The following FREM1 variants were observed in gnomAD, a reference collection of about 807,000 sequenced individuals.
FREM1 encodes FRAS1 related extracellular matrix 1, also known as FRAS1-related extracellular matrix protein 1.
In FREM1, 220 loss-of-function variants were observed where a neutral mutation model predicts 210.1. That is an observed-to-expected ratio of 1.05 (90% CI 0.94 to 1.17). The LOEUF is 1.17. FREM1 is among the 50% of genes most tolerant of loss of function. FREM1 has a pLI of 0.00. For synonymous variants in FREM1, 1,189 were observed against 980.2 expected, an observed-to-expected ratio of 1.21 and a Z score of -3.98; for missense variants, 3,454 against 2,675.5, an observed-to-expected ratio of 1.29 and a Z score of -6.42.
chr9:14,759,044 G>T (rs956381232), intron 28 of FREM1, among the ~76,000 whole-genome samples: 3 of 152,118 alleles, frequency 2.0e-5, no homozygotes, highest in African/African-American at 7.2e-5. Context: ...TCTTGGGACT[G>T]AAATTTGCTC....
At chr9:14,879,161 A>G (rs1301799713) in intron 1 of FREM1, among the ~76,000 whole-genome samples, 2 of 151,692 alleles carry the variant, frequency 1.3e-5, no homozygotes, top group African/African-American at 4.8e-5. Flanking sequence ...CCGTCTCAAA[A>G]AAAAAAAAAA....
At chr9:14,861,586 A>C (rs1830604125) in intron 3 of FREM1, among the ~76,000 whole-genome samples, 1 of 145,278 alleles carries the variant, frequency 6.9e-6, no homozygotes, top group African/African-American at 2.6e-5. Flanking sequence ...GGCTCACCGC[A>C]ACCTCTGCCT....
At chr9:14,868,464 A>G (rs1351261844) in intron 2 of FREM1, among the ~76,000 whole-genome samples, 1 of 152,232 alleles carries the variant, frequency 6.6e-6, no homozygotes, top group African/African-American at 2.4e-5. Flanking sequence ...GATTTCCTCT[A>G]TAAATGTTAT....
chr9:14,799,743 G>GT (rs1853159368), intron 20 of FREM1, among the ~76,000 whole-genome samples: 1 of 151,956 alleles, frequency 6.6e-6, no homozygotes, highest in African/African-American at 2.4e-5. Context: ...GTCCTAGAAT[G>GT]TATTTCTTTG....
At position 14,780,433 on chromosome 9, in the gene FREM1, G is replaced by GAAAAAAA. The variant is rs58017285; in HGVS notation, c.4442+3930_4442+3936dup. Among the ~76,000 whole-genome samples the GAAAAAAA allele has an allele frequency of 7.4e-4, 60 of 81,542 alleles. 4 individuals carry two copies. Among genetic ancestry groups the GAAAAAAA allele is most frequent in the African/African-American group, 2.0e-3 (48 of 23,518 alleles). The allele number at this position is 81,542 out of a possible 152,430, so 53.5% of individuals were successfully genotyped here. ...AATCATAAATAGCGCCAGCTCCTCA[G>GAAAAAAA]AAAAAAAAAAAAAAAAAGTCCAGCC... On this transcript the variant is annotated intron_variant, in intron 24 of 36. Transcript: ENST00000380880.
In FREM1 at chr9:14,737,568, T is replaced by C; in HGVS notation, c.6368A>G (p.His2123Arg). ...AGGTTCACCACCGATCCACTCCCAG[T>C]GGCCAGCATGCACTTGGTCGTTCAA... is the stretch of plus-strand genomic sequence containing the variant. The part of the protein sequence containing the change: ...IGLNDQVHAG[H>R]WEWIGGEPVA... The change falls in exon 37 of 37, where the codon CAC becomes CGC. Residue 2123 changes from histidine to arginine, a missense_variant. Physicochemically the swap from His to Arg is conservative, Grantham distance 29. Coordinates refer to ENST00000380880, the MANE Select transcript of FREM1 (RefSeq NM_001379081.2). The C allele has an allele frequency of 6.3e-7, 1 of 1,591,496 alleles. No homozygotes were observed. Among genetic ancestry groups the C allele is most frequent in the Non-Finnish European group, 8.6e-7 (1 of 1,169,150 alleles).
At chr9:14,788,879 C>T in intron 23 of FREM1, 40 bp downstream of exon 23, 3 of 1,528,716 alleles carry the variant, frequency 2.0e-6, no homozygotes, top group Non-Finnish European at 2.7e-6. Context: ...TACCAGTTAG[C>T]AAAGTTGATC....
At chr9:14,803,481 C>G (rs1424401579) in intron 19 of FREM1, among the ~76,000 whole-genome samples, 2 of 151,800 alleles carry the variant, frequency 1.3e-5, no homozygotes, top group African/African-American at 4.8e-5. Context: ...CACCTCAGCC[C>G]CCAAGTAGCT....
chr9:14,865,288 T>C (rs991695678), intron 2 of FREM1, among the ~76,000 whole-genome samples: 4 of 152,214 alleles, frequency 2.6e-5, no homozygotes, highest in Non-Finnish European at 5.9e-5. Context: ...TTTCTTGCTT[T>C]GGGCTAGGTG....
At chr9:14,902,939 A>G (rs1839039464) in intron 1 of FREM1, among the ~76,000 whole-genome samples, 1 of 152,234 alleles carries the variant, frequency 6.6e-6, no homozygotes, top group Non-Finnish European at 1.5e-5. Flanking sequence ...TACATGGTAA[A>G]CAGGATTATG....
In FREM1 at chr9:14,837,337, G is replaced by A. The variant is rs750423996; in HGVS notation, c.1881+4110C>T. On this transcript the variant is annotated intron_variant, in intron 10 of 36. Transcript: ENST00000380880. ...TTGGGGACCTCCTCTTTCAGCTTTA[G>A]AGCCCCATTCCCACCTCTGTCTCTG... Among the ~76,000 whole-genome samples, 5 of 152,036 alleles carry A rather than the reference G, an allele frequency of 3.3e-5. No homozygotes were observed. The South Asian group carries it at 8.3e-4, about 25-fold the overall frequency.
At chr9:14,812,782 T>C in intron 16 of FREM1, 30 bp downstream of exon 16, 1 of 1,572,856 alleles carries the variant, frequency 6.4e-7, no homozygotes, top group Non-Finnish European at 8.6e-7. Context: ...TTGCTTGCAT[T>C]CCCTCACTGG....
At chr9:14,810,415 C>A (rs1347869838) in intron 16 of FREM1, among the ~76,000 whole-genome samples, 1 of 151,994 alleles carries the variant, frequency 6.6e-6, no homozygotes, top group African/African-American at 2.4e-5. Context: ...AGCCTAAGGA[C>A]ATGATTGGTA....
At position 14,737,293 on chromosome 9, in the gene FREM1, C is replaced by A. The variant is rs915529493; in HGVS notation, c.*103G>T. On this transcript the variant is annotated 3_prime_UTR_variant, in exon 37 of 37. Coordinates refer to ENST00000380880, the MANE Select transcript of FREM1 (RefSeq NM_001379081.2). ...CACTAGACAGAATCACAAAGGTATA[C>A]CCACTCAATCATAACAATTTGTTTT... 3.5e-5 allele frequency: 26 copies of A among 748,788 alleles called. No individual in the cohort carries two copies. The African/African-American group carries it at 4.4e-4, about 13-fold the overall frequency. The allele number at this position is 748,788 out of a possible 1,614,324, so 46.4% of individuals were successfully genotyped here.
chr9:14,806,676 T>C lies in FREM1; in HGVS notation c.3259A>G (p.Ile1087Val), dbSNP rs753361181. 2 of 1,591,474 alleles carry C rather than the reference T, an allele frequency of 1.3e-6. 1 individual carries two copies. Among genetic ancestry groups the C allele is most frequent in the South Asian group, 2.3e-5 (2 of 87,644 alleles). ...LPSVGFEKSNIGISIDSFQWK... is the reference protein window; with the variant it reads ...LPSVGFEKSNVGISIDSFQWK... ...TACAGCTTACCTATACTTATGCCAA[T>C]ATTGCTTTTTTCAAAACCCACAGAA... The change falls in exon 18 of 37, where the codon ATT becomes GTT. Residue 1087 changes from isoleucine to valine, a missense_variant. Transcript: ENST00000380880.
At chr9:14,865,807 A>G (rs59259814) in intron 2 of FREM1, among the ~76,000 whole-genome samples, 4,503 of 152,234 alleles carry the variant, frequency 0.03, 231 homozygotes, top group African/African-American at 0.1. Flanking sequence ...CAACAAAACA[A>G]AACAGACTTA....
chr9:14,746,529 C>T (rs1842469023), intron 34 of FREM1, 61 bp from the exon 35 acceptor site: 2 of 1,303,690 alleles, frequency 1.5e-6, no homozygotes, highest in African/African-American at 1.4e-5. Flanking sequence ...GTTGGTTCAG[C>T]ATAAGGAGTC....
intron 2 of FREM1, among the ~76,000 whole-genome samples, chr9:14,867,036 T>G (rs771790514): frequency 1.1e-4 from 16 of 152,132 alleles, no homozygotes; most frequent in Non-Finnish European, 2.1e-4. Context: ...ATTTTTGTAT[T>G]TTTAGTAGAG....
intron 35 of FREM1, 87 bp from the exon 36 acceptor site, chr9:14,740,321 T>A: frequency 1.0e-6 from 1 of 985,060 alleles, no homozygotes; most frequent in Admixed American, 1.9e-5. Flanking sequence ...AAAAGTAAGT[T>A]TAAAATACAC....
Sources: allele counts gnomAD v4.1 joint callset (sites outside exome capture counted in the v4.1 genomes callset), GRCh38; gene constraint gnomAD v4.1.1; transcripts MANE v1.5; gene names NCBI Gene and HGNC (gene_info 2026-07-23, HGNC 2026-07-21).